GRIN1: variants seen among roughly 807,000 people sequenced by gnomAD.
GRIN1 encodes glutamate ionotropic receptor NMDA type subunit 1.
A neutral mutation model predicts 103.0 loss-of-function variants in GRIN1; 38 were observed. That is an observed-to-expected ratio of 0.37 (90% CI 0.28 to 0.48). The LOEUF is 0.48. GRIN1 is among the 20% of genes least tolerant of loss of function. The pLI is 0.98. For synonymous variants in GRIN1, 544 were observed against 532.7 expected, an observed-to-expected ratio of 1.02 and a Z score of -0.29; for missense variants, 577 against 1,288.9, an observed-to-expected ratio of 0.45 and a Z score of 8.46.
At chr9:137,144,919 G>A (rs12338134) in intron 2 of GRIN1, among the ~76,000 whole-genome samples, 10 of 9,376 alleles carry the variant, frequency 1.1e-3, no homozygotes, top group East Asian at 7.2e-3. Flanking sequence ...TGGGGACCGG[G>A]GTGAGAGGAA....
chr9:137,158,823 G>A, intron 8 of GRIN1, 119 bp downstream of exon 8: 1 of 772,652 alleles, frequency 1.3e-6, no homozygotes, highest in Non-Finnish European at 2.3e-6. Context: ...AGTGGGGGTG[G>A]GGCCTGCTTC....
chr9:137,161,143 G>A lies in GRIN1; in HGVS notation c.1285G>A (p.Asp429Asn), dbSNP rs755625098. ...CAAGGAGGAGTTCACAGTCAACGGCGACCCAGTCAAGAAGGTGATCTGCAC... is the reference window on the plus strand; with the variant it reads ...CAAGGAGGAGTTCACAGTCAACGGCAACCCAGTCAAGAAGGTGATCTGCAC... The part of the protein sequence containing the change: ...TCKEEFTVNG[D>N]PVKKVICTGP... Residue 429 changes from aspartate to asparagine, a missense_variant, in exon 9 of 20, where the codon GAC becomes AAC. By Grantham distance (23) the Asp-to-Asn change is conservative (BLOSUM62 1). Transcript: ENST00000371561. 5 of 1,612,526 alleles carry A rather than the reference G, an allele frequency of 3.1e-6. No homozygotes were observed. The highest frequency in any genetic ancestry group is 1.3e-5 in the African/African-American group (1 of 74,906).
chr9:137,160,989 A>C (rs1318162314), intron 8 of GRIN1, 67 bp from the exon 9 acceptor site: 1 of 1,606,202 alleles, frequency 6.2e-7, no homozygotes, highest in East Asian at 2.2e-5. Context: ...CTGGGAGCTG[A>C]GAAGAGACTG....
chr9:137,154,855 G>A (rs990643595), intron 4 of GRIN1, among the ~76,000 whole-genome samples: 1 of 152,170 alleles, frequency 6.6e-6, no homozygotes, highest in Admixed American at 6.5e-5. Context: ...CACAGCAGAG[G>A]CCGACTGGCC....
intron 4 of GRIN1, among the ~76,000 whole-genome samples, chr9:137,150,349 A>G (rs1203250788): frequency 6.6e-6 from 1 of 151,836 alleles, no homozygotes; most frequent in East Asian, 1.9e-4. Flanking sequence ...CGCCAAGGGA[A>G]AGCTCCGCCC....
chr9:137,161,434 G>C lies in GRIN1; in HGVS notation c.1467+18G>C. 6.2e-7 allele frequency: 1 copy of C among 1,607,190 alleles called. No homozygotes were observed. The highest frequency in any genetic ancestry group is 8.5e-7 in the Non-Finnish European group (1 of 1,177,348). On this transcript the variant is annotated intron_variant, in intron 10 of 19. Transcript: ENST00000371561. ...AGGAGCGGGTAGGCTGGACGGCGGG[G>C]GTGGGGACCAGCGTGAGAGGGGCCT...
In GRIN1 at chr9:137,156,800, G is replaced by C. The variant is rs777880096; in HGVS notation, c.793+10G>C. 1.3e-6 allele frequency: 2 copies of C among 1,597,684 alleles called. No homozygotes were observed. Among genetic ancestry groups the C allele is most frequent in the Non-Finnish European group, 1.7e-6 (2 of 1,172,782 alleles). ...CGCTACGCCCCAGACGGTGAGTGCTGGGCCTTGGCGGGGTCCCCGAACGGG... is the reference window on the plus strand; with the variant it reads ...CGCTACGCCCCAGACGGTGAGTGCTCGGCCTTGGCGGGGTCCCCGAACGGG... On this transcript the variant is annotated intron_variant, in intron 5 of 19. Coordinates refer to ENST00000371561, the MANE Select transcript of GRIN1 (RefSeq NM_007327.4).
intron 1 of GRIN1, among the ~76,000 whole-genome samples, chr9:137,141,688 C>T (rs1209527833): frequency 2.0e-5 from 3 of 152,146 alleles, no homozygotes; most frequent in African/African-American, 7.2e-5. Context: ...GACCAGCCAT[C>T]CTCCCCGGTC....
intron 19 of GRIN1, among the ~76,000 whole-genome samples, 172 bp from the exon 20 acceptor site, chr9:137,167,239 G>A (rs1345279433): frequency 6.6e-6 from 1 of 152,132 alleles, no homozygotes; most frequent in African/African-American, 2.4e-5. Context: ...CTTATTCAGA[G>A]GGAGGCGTGG....
In GRIN1 at chr9:137,165,758, G is replaced by T. The variant is rs1050865027; in HGVS notation, c.2700+462G>T. Among the ~76,000 whole-genome samples the T allele has an allele frequency of 2.0e-5, 3 of 152,214 alleles. No individual in the cohort carries two copies. The East Asian group carries it at 5.8e-4, about 29-fold the overall frequency. On this transcript the variant is annotated intron_variant, in intron 19 of 19. Transcript: ENST00000371561. ...GCCGCCCTCACTTCGCCCCTGCGACGGCCCTGGAGGGGGTGGCTGTGATGT... is the reference window on the plus strand; with the variant it reads ...GCCGCCCTCACTTCGCCCCTGCGACTGCCCTGGAGGGGGTGGCTGTGATGT...
intron 2 of GRIN1, among the ~76,000 whole-genome samples, chr9:137,143,271 G>A (rs1326688187): frequency 6.6e-6 from 1 of 152,246 alleles, no homozygotes; most frequent in African/African-American, 2.4e-5. Flanking sequence ...TCTTCTGGGA[G>A]GATGGAAGGC....
In GRIN1 at chr9:137,149,040, C is replaced by A; in HGVS notation, c.602C>A (p.Thr201Asn). ...AEKVLQFDPGTKNVTALLMEA... is the reference protein window; with the variant it reads ...AEKVLQFDPGNKNVTALLMEA... The stretch of plus-strand genomic sequence containing the variant: ...AAGGTGCTGCAGTTTGACCCAGGGA[C>A]CAAGAACGTGACGGCCCTGCTGATG... The change falls in exon 4 of 20, where the codon ACC becomes AAC. Residue 201 changes from threonine (T) to asparagine (N), a missense_variant. Coordinates refer to ENST00000371561, the MANE Select transcript of GRIN1 (RefSeq NM_007327.4). 6.2e-7 allele frequency: 1 copy of A among 1,613,644 alleles called. No homozygotes were observed. Among genetic ancestry groups the A allele is most frequent in the Non-Finnish European group, 8.5e-7 (1 of 1,179,714 alleles).
chr9:137,155,837 T>G (rs1471552403), intron 4 of GRIN1, among the ~76,000 whole-genome samples: 1 of 152,202 alleles, frequency 6.6e-6, no homozygotes, highest in Non-Finnish European at 1.5e-5. Context: ...GCCTGCAAGG[T>G]GAGGCCTGTC....
At chr9:137,163,415 C>T (rs1187353565) in intron 16 of GRIN1, 85 bp downstream of exon 16, 5 of 1,525,422 alleles carry the variant, frequency 3.3e-6, no homozygotes, top group Non-Finnish European at 4.5e-6. Context: ...ACTCCGAGGC[C>T]ACCACTGATT....
At chr9:137,148,274 G>C in intron 3 of GRIN1, 1 of 1,069,498 alleles carries the variant, frequency 9.4e-7, no homozygotes, top group East Asian at 2.6e-5. Flanking sequence ...TCGGCGCCTC[G>C]GCCACTAGGG....
In GRIN1 at chr9:137,163,275, A is replaced by G; in HGVS notation, c.2278A>G (p.Ile760Val). ...GELFFRSGFG[I>V]GMRKDSPWKQ... Reference sequence around the variant, plus strand: ...GCTGTTTTTCCGCTCGGGCTTCGGCATAGGCATGCGCAAAGACAGCCCCTG... The same window carrying G: ...GCTGTTTTTCCGCTCGGGCTTCGGCGTAGGCATGCGCAAAGACAGCCCCTG... The change falls in exon 16 of 20, where the codon ATA (isoleucine) becomes GTA (valine). Residue 760 changes from isoleucine to valine, a missense_variant. Transcript: ENST00000371561. 1 of 1,613,766 alleles carries G rather than the reference A, an allele frequency of 6.2e-7. No individual in the cohort carries two copies. The highest frequency in any genetic ancestry group is 1.1e-5 in the South Asian group (1 of 91,088).
rs369981488 is a variant in GRIN1 at position 137,144,377 on chromosome 9, G to C, written c.394-1349G>C. On this transcript the variant is annotated intron_variant, in intron 2 of 19. Coordinates refer to ENST00000371561, the MANE Select transcript of GRIN1 (RefSeq NM_007327.4). ...TCTAGAAAGTGTCCCCAGGTTGGCC[G>C]GGCGCGGTGGCTCACGCCTGTAATC... 1.3e-4 allele frequency among the ~76,000 whole-genome samples: 19 copies of C among 151,610 alleles called. No individual in the cohort carries two copies. The South Asian group carries it at 2.5e-3, about 20-fold the overall frequency.
chr9:137,147,257 A>G (rs898845738), intron 3 of GRIN1, among the ~76,000 whole-genome samples: 41 of 151,690 alleles, frequency 2.7e-4, no homozygotes, highest in African/African-American at 8.2e-4. Flanking sequence ...CGCCACACAC[A>G]CACCTGGACA....
intron 4 of GRIN1, among the ~76,000 whole-genome samples, chr9:137,154,431 A>C (rs1588712829): frequency 1.2e-5 from 1 of 83,470 alleles, no homozygotes; most frequent in African/African-American, 4.7e-5. Flanking sequence ...AGCTCCAACA[A>C]CTTTTTTTTT....
Sources: allele counts gnomAD v4.1 joint callset (sites outside exome capture counted in the v4.1 genomes callset), GRCh38; gene constraint gnomAD v4.1.1; transcripts MANE v1.5; gene names NCBI Gene and HGNC (gene_info 2026-07-23, HGNC 2026-07-21).